The following TMPRSS11F variants were observed in gnomAD, a reference collection of about 807,000 sequenced individuals.
The protein encoded by TMPRSS11F is transmembrane serine protease 11F.
A neutral mutation model predicts 60.2 loss-of-function variants in TMPRSS11F; 47 were observed. The observed-to-expected ratio is 0.78, with a 90% CI of 0.62 to 1.00. The LOEUF is 1.00. Ranked by LOEUF, TMPRSS11F falls within the 50% of genes least tolerant of loss-of-function variation. TMPRSS11F has a pLI of 0.00. For synonymous variants in TMPRSS11F, 166 were observed against 167.3 expected (o/e 0.99, Z 0.06); for missense variants, 519 against 522.9 (o/e 0.99, Z 0.07).
At chr4:68,121,983 AC>A (rs1275308661) in intron 1 of TMPRSS11F, among the ~76,000 whole-genome samples, 1 of 152,162 alleles carries the variant, frequency 6.6e-6, no homozygotes, top group Non-Finnish European at 1.5e-5. Flanking sequence ...TCAAAAAACA[AC>A]CCAAATGCTA....
rs956787388 is a variant in TMPRSS11F at position 68,059,477 on chromosome 4, C to A, written c.1016-9G>T. On this transcript the variant is annotated splice_polypyrimidine_tract_variant and intron_variant, in intron 8 of 9. Coordinates refer to ENST00000356291, the MANE Select transcript of TMPRSS11F (RefSeq NM_207407.2). Reference sequence around the variant, plus strand: ...TGTATTTTGTATAGGTCCTATTGCACAAATGGATAAAAAAACAAATAAACA... The same window carrying A: ...TGTATTTTGTATAGGTCCTATTGCAAAAATGGATAAAAAAACAAATAAACA... The A allele has an allele frequency of 5.0e-6, 8 of 1,605,580 alleles. No homozygotes were observed. The African/African-American group carries it at 1.1e-4, about 22-fold the overall frequency.
rs181704828 is a variant in TMPRSS11F, at chr4:68,068,763, G to T, written c.610C>A (p.Gln204Lys). ...NMPLPASSST[Q>K]RIVQGRETAM... is the part of the protein sequence containing the mutation. ...GTTTCCCTTCCTTGGACAATTCTTTGAGTAGAAGAGGATGCTGGTAATGGC... is the reference window on the plus strand; with the variant it reads ...GTTTCCCTTCCTTGGACAATTCTTTTAGTAGAAGAGGATGCTGGTAATGGC... Residue 204 changes from glutamine to lysine, a missense_variant, in exon 7 of 10, where the codon CAA (glutamine) becomes AAA (lysine). Transcript: ENST00000356291. The T allele has an allele frequency of 2.5e-6, 4 of 1,614,088 alleles. No individual in the cohort carries two copies. Among genetic ancestry groups the T allele is most frequent in the Admixed American group, 3.3e-5 (2 of 59,998 alleles).
intron 1 of TMPRSS11F, among the ~76,000 whole-genome samples, chr4:68,122,026 CT>C (rs1044203598): frequency 1.6e-4 from 24 of 152,118 alleles, no homozygotes; most frequent in African/African-American, 5.3e-4. Flanking sequence ...TAAATAACCA[CT>C]TTTTTTATTT....
rs1451515961 is a variant in TMPRSS11F at position 68,093,871 on chromosome 4, A to G, written c.164-3230T>C. 4.8e-5 allele frequency among the ~76,000 whole-genome samples: 7 copies of G among 145,834 alleles called. No individual in the cohort carries two copies. The East Asian group carries it at 1.4e-3, about 30-fold the overall frequency. ...GAGATACCATCTCACACCAGTTAGA[A>G]TGGCAATCATTAAAAAGTCAGGAAA... On this transcript the variant is annotated intron_variant, in intron 2 of 9. Coordinates refer to ENST00000356291, the MANE Select transcript of TMPRSS11F (RefSeq NM_207407.2).
intron 2 of TMPRSS11F, among the ~76,000 whole-genome samples, chr4:68,096,847 C>T (rs1193476923): frequency 6.6e-6 from 1 of 152,076 alleles, no homozygotes; most frequent in Admixed American, 6.6e-5. Context: ...AATTTTTACT[C>T]CACTGTCTTT....
At chr4:68,114,221 T>C (rs1023875799) in intron 1 of TMPRSS11F, among the ~76,000 whole-genome samples, 3 of 151,298 alleles carry the variant, frequency 2.0e-5, no homozygotes, top group African/African-American at 7.3e-5. Context: ...GCAGAGTAAA[T>C]TAAACCAAAT....
intron 1 of TMPRSS11F, among the ~76,000 whole-genome samples, chr4:68,110,652 G>A (rs1004282873): frequency 1.3e-5 from 2 of 152,088 alleles, no homozygotes; most frequent in African/African-American, 4.8e-5. Flanking sequence ...GGGTATAACA[G>A]TATCTACTTG....
chr4:68,106,293 A>G (rs1349241201), intron 1 of TMPRSS11F, among the ~76,000 whole-genome samples: 1 of 152,174 alleles, frequency 6.6e-6, no homozygotes, highest in Non-Finnish European at 1.5e-5. Context: ...TCTATTGGCA[A>G]TATTGGAAAG....
intron 3 of TMPRSS11F, among the ~76,000 whole-genome samples, chr4:68,078,661 T>C (rs1436454491): frequency 6.6e-6 from 1 of 152,172 alleles, no homozygotes; most frequent in Non-Finnish European, 1.5e-5. Flanking sequence ...TGGTAACACA[T>C]TGTTTTATCT....
At chr4:68,114,490 T>C (rs1055386658) in intron 1 of TMPRSS11F, among the ~76,000 whole-genome samples, 1 of 151,986 alleles carries the variant, frequency 6.6e-6, no homozygotes, top group Non-Finnish European at 1.5e-5. Flanking sequence ...CTTTTTGAAA[T>C]ACAAAAACTT....
At chr4:68,061,713 A>C (rs1284479450) in intron 8 of TMPRSS11F, 5 of 390,682 alleles carry the variant, frequency 1.3e-5, no homozygotes, top group African/African-American at 1.1e-4. Context: ...CACTGAAAGA[A>C]ATTTTAAAGT....
intron 8 of TMPRSS11F, chr4:68,062,431 G>A: frequency 1.6e-6 from 1 of 623,930 alleles, no homozygotes; most frequent in Non-Finnish European, 3.1e-6. Context: ...TTTGGTAAAA[G>A]GTTGAATATG....
intron 1 of TMPRSS11F, among the ~76,000 whole-genome samples, chr4:68,117,058 G>T (rs569105960): frequency 1.3e-5 from 2 of 152,100 alleles, no homozygotes; most frequent in Non-Finnish European, 2.9e-5. Context: ...TTAAAAGGCG[G>T]TCTACCAAAT....
At chr4:68,108,210 G>T (rs1724340500) in intron 1 of TMPRSS11F, among the ~76,000 whole-genome samples, 1 of 152,294 alleles carries the variant, frequency 6.6e-6, no homozygotes, top group South Asian at 2.1e-4. Flanking sequence ...CTGATGAATT[G>T]GTTGTAGAAA....
Position 68,064,823 on chromosome 4 carries a change from C to G in TMPRSS11F, c.877G>C (p.Asp293His). ...ENYHRETNEN[D>H]IALVQLSTGV... Reference sequence around the variant, plus strand: ...GTAGAGAGCTGAACCAAAGCAATGTCATTTTCATTTGTTTCTCTATGGTAA... The same window carrying G: ...GTAGAGAGCTGAACCAAAGCAATGTGATTTTCATTTGTTTCTCTATGGTAA... The change falls in exon 8 of 10, where the codon GAC becomes CAC. Residue 293 changes from aspartate to histidine, a missense_variant. Asp to His is a moderately conservative substitution (Grantham distance 81). Transcript: ENST00000356291. The G allele has an allele frequency of 6.2e-7, 1 of 1,614,078 alleles. No individual in the cohort carries two copies. Among genetic ancestry groups the G allele is most frequent in the Non-Finnish European group, 8.5e-7 (1 of 1,179,990 alleles).
chr4:68,102,946 C>T (rs1245857313), intron 1 of TMPRSS11F, among the ~76,000 whole-genome samples: 1 of 146,656 alleles, frequency 6.8e-6, no homozygotes, highest in East Asian at 2.0e-4. Context: ...TTTGTAGTTT[C>T]TGGTCTTCTA....
At chr4:68,120,819 C>A (rs1724612706) in intron 1 of TMPRSS11F, among the ~76,000 whole-genome samples, 2 of 152,326 alleles carry the variant, frequency 1.3e-5, no homozygotes, top group Middle Eastern at 6.8e-3. Flanking sequence ...TAAGGCAAGA[C>A]CCTCACCAGC....
chr4:68,125,615 A>G (rs2109892782), intron 1 of TMPRSS11F, among the ~76,000 whole-genome samples: 1 of 152,278 alleles, frequency 6.6e-6, no homozygotes, highest in East Asian at 1.9e-4. Context: ...TGTACGATCC[A>G]AGGGTATAAA....
chr4:68,125,542 T>C (rs1031935032), intron 1 of TMPRSS11F, among the ~76,000 whole-genome samples: 14 of 152,164 alleles, frequency 9.2e-5, no homozygotes, highest in African/African-American at 3.4e-4. Context: ...ATTTTGAATA[T>C]GAATGTTCCT....
Sources: allele counts gnomAD v4.1 joint callset (sites outside exome capture counted in the v4.1 genomes callset), GRCh38; gene constraint gnomAD v4.1.1; transcripts MANE v1.5; gene names NCBI Gene and HGNC (gene_info 2026-07-23, HGNC 2026-07-21).